Variants in LMO7 observed in about 807,000 individuals in gnomAD.
LMO7 encodes the protein LIM domain 7.
A neutral mutation model predicts 206.5 loss-of-function variants in LMO7; 120 were observed. The ratio of observed to expected loss-of-function variants is 0.58; its 90% CI spans 0.50 to 0.68. The LOEUF is 0.68. Ranked by LOEUF, LMO7 falls within the 30% of genes least tolerant of loss-of-function variation. LMO7 has a pLI of 0.00. For synonymous variants in LMO7, 706 were observed against 681.5 expected (o/e 1.04, Z -0.56); for missense variants, 1,959 against 1,957.9 (o/e 1.00, Z -0.01).
At chr13:75,857,254 G>A (rs1411924710) in intron 30 of LMO7, 1 of 152,222 alleles carries the variant, frequency 6.6e-6, no homozygotes, top group African/African-American at 2.4e-5. Context: ...GTTGTGTGTT[G>A]TGTATAGCTA....
chr13:75,687,459 ACTG>A (rs2041110925), intron 1 of LMO7, among the ~76,000 whole-genome samples: 1 of 152,152 alleles, frequency 6.6e-6, no homozygotes, highest in African/African-American at 2.4e-5. Context: ...GGAGCTTTGT[ACTG>A]ACTTTATACT....
chr13:75,787,221 C>T (rs1461200436), intron 4 of LMO7, among the ~76,000 whole-genome samples: 1 of 152,198 alleles, frequency 6.6e-6, no homozygotes, highest in East Asian at 1.9e-4. Flanking sequence ...GGTTTACCGT[C>T]TAATGGGGAG....
chr13:75,696,260 C>T (rs989783639), intron 1 of LMO7, among the ~76,000 whole-genome samples: 1 of 152,220 alleles, frequency 6.6e-6, no homozygotes, highest in Admixed American at 6.5e-5. Context: ...GAAGCTGAGG[C>T]AGGAGAATGG....
At chr13:75,821,738 A>C (rs962072485) in intron 14 of LMO7, 129 bp downstream of exon 14, 3 of 612,510 alleles carry the variant, frequency 4.9e-6, no homozygotes, top group African/African-American at 1.9e-5. Flanking sequence ...ATTTTATTTT[A>C]TGCCAGTTTA....
chr13:75,621,734 G>A (rs1445126713), exon 1 of LMO7: 1 of 1,601,246 alleles, frequency 6.2e-7, no homozygotes, highest in Non-Finnish European at 8.5e-7. Flanking sequence ...ACGTTTTACA[G>A]TTGGATGTCC....
chr13:75,827,531 G>C (rs1194110166), intron 15 of LMO7, among the ~76,000 whole-genome samples: 1 of 152,040 alleles, frequency 6.6e-6, no homozygotes, highest in East Asian at 1.9e-4. Flanking sequence ...TATTCTTTTT[G>C]CACCCTTTCT....
intron 1 of LMO7, among the ~76,000 whole-genome samples, chr13:75,698,328 G>T (rs2042040540): frequency 6.6e-6 from 1 of 152,034 alleles, no homozygotes; most frequent in African/African-American, 2.4e-5. Flanking sequence ...AAGAGATAGG[G>T]TCTAGCTGTG....
chr13:75,702,839 A>G (rs1382612065), intron 1 of LMO7, among the ~76,000 whole-genome samples: 1 of 152,226 alleles, frequency 6.6e-6, no homozygotes, highest in East Asian at 1.9e-4. Flanking sequence ...CTTTCTTTGT[A>G]TCTTAGTTAA....
chr13:75,808,270 G>A, intron 10 of LMO7, 71 bp downstream of exon 10: 1 of 1,454,070 alleles, frequency 6.9e-7, no homozygotes, highest in Non-Finnish European at 9.2e-7. Flanking sequence ...ATGCGAGAAA[G>A]CAGCTCATCG....
chr13:75,840,995 T>C (rs938639151), intron 22 of LMO7, 114 bp from the exon 23 acceptor site: 24 of 655,042 alleles, frequency 3.7e-5, no homozygotes, highest in Non-Finnish European at 6.3e-5. Context: ...AAATAAATCA[T>C]GGTCTTTAAA....
At chr13:75,818,942 T>C (rs2057319917) in intron 12 of LMO7, among the ~76,000 whole-genome samples, 1 of 152,224 alleles carries the variant, frequency 6.6e-6, no homozygotes, top group Non-Finnish European at 1.5e-5. Context: ...AAAGTAGGGA[T>C]TGAACTCTGT....
intron 3 of LMO7, among the ~76,000 whole-genome samples, chr13:75,728,158 C>A (rs1449582969): frequency 6.6e-6 from 1 of 152,138 alleles, no homozygotes; most frequent in African/African-American, 2.4e-5. Flanking sequence ...ATTGCTGGGT[C>A]AAATGGTATT....
At chr13:75,684,810 T>C (rs1398974099) in intron 1 of LMO7, among the ~76,000 whole-genome samples, 3 of 147,596 alleles carry the variant, frequency 2.0e-5, no homozygotes, top group African/African-American at 7.7e-5. Context: ...TGTGTGTGTA[T>C]ATGTATATAC....
intron 1 of LMO7, among the ~76,000 whole-genome samples, chr13:75,650,659 G>A (rs2037465815): frequency 6.6e-6 from 1 of 152,108 alleles, no homozygotes; most frequent in Admixed American, 6.5e-5. Context: ...TACTATCTAT[G>A]TGAATTTTCA....
Position 75,823,674 on chromosome 13 carries a change from G to C in LMO7, c.2750G>C (p.Ser917Thr). 1 of 1,614,188 alleles carries C rather than the reference G, an allele frequency of 6.2e-7. No individual in the cohort carries two copies. Among genetic ancestry groups the C allele is most frequent in the Non-Finnish European group, 8.5e-7 (1 of 1,180,026 alleles). The change falls in exon 15 of 31, where the codon AGC (serine) becomes ACC (threonine). Residue 917 changes from serine (S) to threonine (T), a missense_variant. Ser to Thr is a moderately conservative substitution (Grantham distance 58, BLOSUM62 1). Transcript: ENST00000377534. ...CCGGACGCAAGCCAACTGGCTTCAA[G>C]CTTATCTAGCCAGAAAGAGGTAGCA... Reference protein sequence around the residue: ...PSPDASQLASSLSSQKEVAAT... With the variant: ...PSPDASQLASTLSSQKEVAAT...
chr13:75,821,626 G>T lies in LMO7; in HGVS notation c.2640+17G>T. The T allele has an allele frequency of 6.3e-7, 1 of 1,591,954 alleles. No homozygotes were observed. Among genetic ancestry groups the T allele is most frequent in the Non-Finnish European group, 8.6e-7 (1 of 1,165,214 alleles). On this transcript the variant is annotated intron_variant, in intron 14 of 30. Coordinates refer to ENST00000377534, the MANE Select transcript of LMO7 (RefSeq NM_001306080.2). ...TCTTACACGGTAAAAAATGTTCTCG[G>T]TTCATTTAGTCTGTTCTGAAGAGCA...
intron 1 of LMO7, chr13:75,689,266 C>G (rs1320730883): frequency 6.6e-6 from 1 of 152,190 alleles, no homozygotes; most frequent in Non-Finnish European, 1.5e-5. Context: ...GCCACACAAC[C>G]AGAAGTCAGT....
chr13:75,822,286 T>C (rs1595302560), intron 14 of LMO7, among the ~76,000 whole-genome samples: 1 of 152,086 alleles, frequency 6.6e-6, no homozygotes, highest in African/African-American at 2.4e-5. Flanking sequence ...TAAAAGGGTA[T>C]AAAAAATTGG....
chr13:75,841,747 A>T lies in LMO7; in HGVS notation c.3795A>T (p.Ala1265=). The change falls in exon 24 of 31, where the codon GCA becomes GCT. Residue 1265 remains alanine, a synonymous_variant. Transcript: ENST00000377534. ...SKSSDREGTR[A]GEEERRQPQE... is the part of the protein sequence containing the mutation. ...CTTCAGACAGAGAAGGAACCCGAGC[A>T]GGAGAAGAGGAGAGGAGACAGCCAC... 1.2e-6 allele frequency: 2 copies of T among 1,614,128 alleles called. No individual in the cohort carries two copies. The highest frequency in any genetic ancestry group is 1.7e-6 in the Non-Finnish European group (2 of 1,179,992).
Sources: gnomAD v4.1 joint callset for allele counts (sites outside exome capture counted in the v4.1 genomes callset) on GRCh38, gnomAD v4.1.1 for gene constraint, MANE v1.5 for transcripts, NCBI Gene and HGNC (gene_info 2026-07-23, HGNC 2026-07-21) for gene names.